The following ANKRD11 variants were observed in gnomAD, a reference collection of about 807,000 sequenced individuals.
ANKRD11 encodes the protein ankyrin repeat domain 11.
Under a neutral mutation model 195.7 loss-of-function variants are expected in ANKRD11, and 17 were observed. The ratio of observed to expected loss-of-function variants is 0.09; its 90% CI spans 0.06 to 0.13. The LOEUF (loss-of-function observed/expected upper bound fraction) is 0.13, where lower values mean the gene tolerates loss of function less well. Ranked by LOEUF, ANKRD11 falls within the 10% of genes least tolerant of loss-of-function variation. The pLI is 1.00. For missense variants in ANKRD11, 3,735 were observed against 3,566.1 expected, an observed-to-expected ratio of 1.05 and a Z score of -1.21; for synonymous variants, 1,953 against 1,528.1, an observed-to-expected ratio of 1.28 and a Z score of -6.49.
At chr16:89,482,800 G>A (rs558111738) in intron 1 of ANKRD11, among the ~76,000 whole-genome samples, 42 of 152,326 alleles carry the variant, frequency 2.8e-4, no homozygotes, top group Non-Finnish European at 3.1e-4. Context: ...AAAAAAGCGG[G>A]TGGGCAGCAG....
intron 2 of ANKRD11, among the ~76,000 whole-genome samples, chr16:89,396,432 G>A (rs953195216): frequency 8.5e-5 from 13 of 152,150 alleles, no homozygotes; most frequent in Admixed American, 5.2e-4. Flanking sequence ...TGCTGGAAAC[G>A]CTCACAGCAC....
intron 1 of ANKRD11, among the ~76,000 whole-genome samples, chr16:89,466,820 G>C (rs1233324677): frequency 6.6e-6 from 1 of 152,184 alleles, no homozygotes. Flanking sequence ...GGCGGCAGGG[G>C]CCCTCCCGCA....
intron 1 of ANKRD11, among the ~76,000 whole-genome samples, chr16:89,435,449 T>C (rs866300131): frequency 1.3e-5 from 2 of 152,266 alleles, no homozygotes; most frequent in Middle Eastern, 3.4e-3. Flanking sequence ...GCTCACTCTT[T>C]GGGTCTGTAC....
chr16:89,300,919 G>A (rs1442268126), intron 4 of ANKRD11: 1 of 700,408 alleles, frequency 1.4e-6, no homozygotes, highest in Non-Finnish European at 2.6e-6. Flanking sequence ...TCCTGACGAG[G>A]GCTCCCTCGT....
At chr16:89,314,568 G>A (rs573102257) in intron 3 of ANKRD11, among the ~76,000 whole-genome samples, 1 of 152,232 alleles carries the variant, frequency 6.6e-6, no homozygotes, top group East Asian at 1.9e-4. Flanking sequence ...ACCCTGCCGA[G>A]ACTGCCTTCC....
chr16:89,313,590 C>T (rs2036748057), intron 3 of ANKRD11: 2 of 1,288,944 alleles, frequency 1.6e-6, no homozygotes, highest in Non-Finnish European at 2.0e-6. Context: ...TTGGAAAAAT[C>T]TAAAAATATA....
rs202074713 is a variant in ANKRD11, at chr16:89,290,618, T to C, written c.601+7A>G. 5.7e-4 allele frequency: 912 copies of C among 1,611,368 alleles called. 8 individuals are homozygous for C. In the African/African-American group the frequency reaches 0.011, roughly 19 times the overall value. The stretch of plus-strand genomic sequence containing the variant: ...TCTCTGGCCCTTGCCAGGCACAGGG[T>C]GCCCACCTGCGAAGTCCTTGACGTT... On this transcript the variant is annotated splice_region_variant and intron_variant, in intron 6 of 12. Coordinates refer to ENST00000301030, the MANE Select transcript of ANKRD11 (RefSeq NM_013275.6).
chr16:89,279,623 G>A lies in ANKRD11; in HGVS notation c.6919C>T (p.Pro2307Ser), dbSNP rs575642464. ...SRAAAPAEGP[P>S]GGIQPEAAEP... The stretch of plus-strand genomic sequence containing the variant: ...GCGGCTTCCGGCTGGATGCCGCCAG[G>A]AGGGCCTTCGGCTGGGGCGGCGGCA... Residue 2307 changes from proline to serine, a missense_variant, in exon 9 of 13, where the codon CCT becomes TCT. Pro to Ser is a moderately conservative substitution (Grantham distance 74). Coordinates refer to ENST00000301030, the MANE Select transcript of ANKRD11 (RefSeq NM_013275.6). The surrounding 1 kb of genome is among the most constrained non-coding windows in gnomAD (Gnocchi z 5.6). 4.2e-4 allele frequency: 611 copies of A among 1,438,294 alleles called. No individual in the cohort carries two copies. The highest frequency in any genetic ancestry group is 5.5e-4 in the Admixed American group (20 of 36,324). 89.1% of individuals were successfully genotyped at this position (1,438,294 alleles called of 1,614,324 possible).
intron 1 of ANKRD11, among the ~76,000 whole-genome samples, chr16:89,474,934 C>G (rs2152358000): frequency 6.6e-6 from 1 of 152,280 alleles, no homozygotes. Flanking sequence ...AAAGCTGGGC[C>G]CTGCCTGGCC....
At chr16:89,275,308 G>A in intron 9 of ANKRD11, 117 bp from the exon 10 acceptor site, 1 of 814,622 alleles carries the variant, frequency 1.2e-6, no homozygotes. Context: ...AGCCTGCCCT[G>A]GAGGCCTCCT....
At chr16:89,367,856 ATCAG>A (rs1319045779) in intron 2 of ANKRD11, among the ~76,000 whole-genome samples, 2 of 152,068 alleles carry the variant, frequency 1.3e-5, no homozygotes, top group Non-Finnish European at 2.9e-5. Context: ...AAAAACAAAA[ATCAG>A]TCAGGCACGG....
At chr16:89,489,794 G>A (rs1455319276) in intron 1 of ANKRD11, among the ~76,000 whole-genome samples, 1 of 118,552 alleles carries the variant, frequency 8.4e-6, no homozygotes, top group Non-Finnish European at 1.8e-5. Flanking sequence ...CCGCCCCGGA[G>A]CCCCCTGTCC....
At chr16:89,472,740 T>C (rs1431752102) in intron 1 of ANKRD11, among the ~76,000 whole-genome samples, 2 of 152,132 alleles carry the variant, frequency 1.3e-5, no homozygotes, top group African/African-American at 4.8e-5. Flanking sequence ...GAGGATCCAA[T>C]GAATATCACT....
At chr16:89,354,327 G>A (rs1368419536) in intron 2 of ANKRD11, among the ~76,000 whole-genome samples, 2 of 149,444 alleles carry the variant, frequency 1.3e-5, no homozygotes, top group Non-Finnish European at 1.5e-5. Context: ...CCTTCTCACT[G>A]TCAATCTTTT....
chr16:89,388,744 G>C (rs2041042279), intron 2 of ANKRD11, among the ~76,000 whole-genome samples: 1 of 152,176 alleles, frequency 6.6e-6, no homozygotes, highest in South Asian at 2.1e-4. Flanking sequence ...GGCTCACACA[G>C]GTCTGGAATG....
rs1205883060 is a variant in ANKRD11 at position 89,305,248 on chromosome 16, A to T, written c.184T>A (p.Phe62Ile). 1.9e-6 allele frequency: 3 copies of T among 1,613,860 alleles called. No homozygotes were observed. The highest frequency in any genetic ancestry group is 2.2e-5 in the East Asian group (1 of 44,882). The change falls in exon 4 of 13, where the codon TTC becomes ATC. Residue 62 changes from phenylalanine (F) to isoleucine (I), a missense_variant. Phe to Ile is a conservative substitution (Grantham distance 21). Transcript: ENST00000301030. ...RERASKRKLP[F>I]TAGANGEQKD... The stretch of plus-strand genomic sequence containing the variant: ...TGCTCCCCATTGGCGCCCGCGGTGA[A>T]GGGCAGCTTCCGCTTGCTGGCTCGC...
intron 11 of ANKRD11, among the ~76,000 whole-genome samples, chr16:89,273,587 C>G (rs755732609): frequency 9.9e-5 from 15 of 151,980 alleles, no homozygotes; most frequent in Non-Finnish European, 7.4e-5. Flanking sequence ...ATCCCAGCTA[C>G]TCGGGAGGCT....
chr16:89,364,818 A>G (rs1391851643), intron 2 of ANKRD11, among the ~76,000 whole-genome samples: 1 of 152,202 alleles, frequency 6.6e-6, no homozygotes, highest in Non-Finnish European at 1.5e-5. Flanking sequence ...TCCAAGTGGA[A>G]GCTTGCTCAG....
At chr16:89,486,860 T>G (rs910451647) in intron 1 of ANKRD11, among the ~76,000 whole-genome samples, 5 of 151,766 alleles carry the variant, frequency 3.3e-5, no homozygotes. Flanking sequence ...TAAAAAAAAA[T>G]TAGCCGTGTT....
Sources: gnomAD v4.1 joint callset for allele counts (sites outside exome capture counted in the v4.1 genomes callset) on GRCh38, gnomAD v4.1.1 for gene constraint, Gnocchi (gnomAD v3.1) non-coding constraint, MANE v1.5 for transcripts, NCBI Gene and HGNC (gene_info 2026-07-23, HGNC 2026-07-21) for gene names.